SDK1: variants seen among roughly 807,000 people sequenced by gnomAD.
The protein encoded by SDK1 is sidekick cell adhesion molecule 1.
Under a neutral mutation model 245.5 loss-of-function variants are expected in SDK1, and 157 were observed. The ratio of observed to expected loss-of-function variants is 0.64; its 90% CI spans 0.56 to 0.73. The LOEUF is 0.73. Among genes scored for constraint, SDK1 ranks in the 30% least tolerant of loss-of-function variants. The pLI, the probability that SDK1 is intolerant of heterozygous loss-of-function variation, is 0.00. For missense variants in SDK1, 3,583 were observed against 3,002.3 expected (o/e 1.19, Z -4.52); for synonymous variants, 1,647 against 1,278.5 (o/e 1.29, Z -6.15).
At chr7:3,905,411 T>G (rs1239896492) in intron 5 of SDK1, among the ~76,000 whole-genome samples, 1 of 152,216 alleles carries the variant, frequency 6.6e-6, no homozygotes, top group Non-Finnish European at 1.5e-5. Context: ...TTTCAATCCT[T>G]TGACACTTTT....
At chr7:3,446,778 A>T (rs1780355162) in intron 1 of SDK1, among the ~76,000 whole-genome samples, 1 of 152,190 alleles carries the variant, frequency 6.6e-6, no homozygotes, top group African/African-American at 2.4e-5. Context: ...GTTAATATCC[A>T]GGGTATTGTT....
intron 16 of SDK1, among the ~76,000 whole-genome samples, chr7:4,014,169 C>T (rs562305607): frequency 2.0e-5 from 3 of 152,326 alleles, no homozygotes; most frequent in African/African-American, 4.8e-5. Flanking sequence ...AGGCTGAAGC[C>T]GTCAAGTAAG....
chr7:3,350,063 A>G (rs952663187), intron 1 of SDK1, among the ~76,000 whole-genome samples: 5 of 152,170 alleles, frequency 3.3e-5, no homozygotes, highest in African/African-American at 1.2e-4. Flanking sequence ...GCCCAATAAC[A>G]AAAGGTCATG....
chr7:3,541,808 G>C (rs571968887), intron 1 of SDK1, among the ~76,000 whole-genome samples: 2 of 152,304 alleles, frequency 1.3e-5, no homozygotes, highest in South Asian at 4.1e-4. Context: ...TATTAACCCT[G>C]TGTGGTGTTG....
At chr7:4,231,000 T>G (rs943369452) in intron 40 of SDK1, among the ~76,000 whole-genome samples, 2 of 151,386 alleles carry the variant, frequency 1.3e-5, no homozygotes, top group African/African-American at 4.9e-5. Context: ...AATAAGGGAG[T>G]GAGGCAGGGG....
chr7:3,955,699 C>T (rs1052059190), intron 7 of SDK1, among the ~76,000 whole-genome samples: 1 of 152,218 alleles, frequency 6.6e-6, no homozygotes, highest in Non-Finnish European at 1.5e-5. Context: ...ACAGAAGAAG[C>T]TTTGCAACTC....
chr7:3,963,997 CG>C (rs1254053823), intron 9 of SDK1, among the ~76,000 whole-genome samples: 1 of 151,954 alleles, frequency 6.6e-6, no homozygotes, highest in African/African-American at 2.4e-5. Flanking sequence ...CACGGCTACC[CG>C]GATGTATCCA....
chr7:3,959,120 T>C (rs1781479470), intron 8 of SDK1, 106 bp downstream of exon 8: 2 of 884,676 alleles, frequency 2.3e-6, no homozygotes, highest in African/African-American at 1.7e-5. Flanking sequence ...TTGAGTGTGA[T>C]GGCGAAGAGC....
chr7:3,967,179 C>T (rs577089381), intron 9 of SDK1, 139 bp from the exon 10 acceptor site: 4 of 698,762 alleles, frequency 5.7e-6, no homozygotes, highest in Non-Finnish European at 1.0e-5. Context: ...GCTGCCGTCC[C>T]TCCTGAACAG....
intron 19 of SDK1, among the ~76,000 whole-genome samples, chr7:4,053,106 A>C (rs1437143481): frequency 2.6e-5 from 4 of 151,760 alleles, no homozygotes; most frequent in African/African-American, 9.7e-5. Flanking sequence ...AAAAAAAAAA[A>C]AATTAGGAAA....
chr7:4,244,629 A>G (rs1786728226), intron 43 of SDK1, among the ~76,000 whole-genome samples: 1 of 152,172 alleles, frequency 6.6e-6, no homozygotes, highest in African/African-American at 2.4e-5. Context: ...CCCATTTAGC[A>G]CCACGCGGTC....
chr7:4,003,441 C>A (rs1438036027), intron 14 of SDK1, among the ~76,000 whole-genome samples: 1 of 152,224 alleles, frequency 6.6e-6, no homozygotes, highest in Non-Finnish European at 1.5e-5. Flanking sequence ...TCACTGCAGT[C>A]ACTGCCCCCT....
chr7:4,069,947 G>T (rs1780142883), intron 20 of SDK1, among the ~76,000 whole-genome samples: 1 of 152,128 alleles, frequency 6.6e-6, no homozygotes, highest in South Asian at 2.1e-4. Context: ...GATGTGGTGG[G>T]GGTGAGGTTT....
chr7:4,245,758 G>T lies in SDK1; in HGVS notation c.6334G>T (p.Glu2112Ter), dbSNP rs758251137. ...CAAGTACAACGGCGCCGTGCTGACC[G>T]AGAGCGTGAGCCTCAAGGAGAAGTC... ...CNKYNGAVLT[E>*]SVSLKEKSAD... The change falls in exon 44 of 45, where the codon GAG becomes TAG. Residue 2112 changes from glutamate to a stop codon, truncating the protein, a stop_gained. Transcript: ENST00000404826. LOFTEE classifies it high-confidence loss of function. 1 of 1,613,882 alleles carries T rather than the reference G, an allele frequency of 6.2e-7. No individual in the cohort carries two copies. Among genetic ancestry groups the T allele is most frequent in the African/African-American group, 1.3e-5 (1 of 74,928 alleles).
chr7:3,450,444 G>T (rs919902169), intron 1 of SDK1, among the ~76,000 whole-genome samples: 5 of 152,134 alleles, frequency 3.3e-5, no homozygotes, highest in African/African-American at 1.2e-4. Context: ...ATAATAAAGT[G>T]GGATGTTTGA....
chr7:3,569,006 G>GTTT (rs5881992), intron 1 of SDK1, among the ~76,000 whole-genome samples: 8 of 143,558 alleles, frequency 5.6e-5, no homozygotes, highest in Admixed American at 6.9e-5. Context: ...TGTGGCATAT[G>GTTT]TTTTTTTTTT....
chr7:3,422,275 A>T (rs943826241), intron 1 of SDK1, among the ~76,000 whole-genome samples: 1 of 152,098 alleles, frequency 6.6e-6, no homozygotes, highest in Admixed American at 6.6e-5. Context: ...TATTATTCTA[A>T]CTTTGAATCC....
chr7:3,604,765 G>T (rs1781369264), intron 1 of SDK1, among the ~76,000 whole-genome samples: 1 of 151,482 alleles, frequency 6.6e-6, no homozygotes, highest in South Asian at 2.1e-4. Context: ...ACTACGGCAG[G>T]CTAATTTTGT....
At chr7:3,623,169 C>G (rs990983071) in intron 2 of SDK1, among the ~76,000 whole-genome samples, 1 of 151,428 alleles carries the variant, frequency 6.6e-6, no homozygotes, top group East Asian at 1.9e-4. Context: ...TTTACTTTTT[C>G]TAGCTTTGAC....
Sources: gnomAD v4.1 joint callset for allele counts (sites outside exome capture counted in the v4.1 genomes callset) on GRCh38, gnomAD v4.1.1 for gene constraint, MANE v1.5 for transcripts, NCBI Gene and HGNC (gene_info 2026-07-23, HGNC 2026-07-21) for gene names.